Variants in ZNF723 observed in about 807,000 individuals in gnomAD.
ZNF723 encodes the protein zinc finger protein 723.
Under a neutral mutation model 9.4 loss-of-function variants are expected in ZNF723, and 5 were observed. The observed-to-expected ratio is 0.53, with a 90% CI of 0.28 to 1.12. ZNF723 has a LOEUF of 1.12. Among genes scored for constraint, ZNF723 ranks in the 50% most tolerant of loss-of-function variants. ZNF723 has a pLI of 0.10. For missense variants in ZNF723, 450 were observed against 501.5 expected, an observed-to-expected ratio of 0.90 and a Z score of 0.98; for synonymous variants, 158 against 168.8, an observed-to-expected ratio of 0.94 and a Z score of 0.49.
At position 22,857,644 on chromosome 19, in the gene ZNF723, T is replaced by C. The variant is rs12979668; in HGVS notation, c.753T>C (p.His251=). The change falls in exon 4 of 4, where the codon CAT becomes CAC. Residue 251 remains histidine (H), a synonymous_variant. Coordinates refer to ENST00000600766, the MANE Select transcript of ZNF723 (RefSeq NM_001349726.2). ...GCCTTAATAATCATAAGAGAATTCATACTGGAGAGAAACCCTACAAATGTG... is the reference window on the plus strand; with the variant it reads ...GCCTTAATAATCATAAGAGAATTCACACTGGAGAGAAACCCTACAAATGTG... ...SSSLNNHKRI[H]TGEKPYKCEE... The C allele has an allele frequency of 7.1e-6, 9 of 1,269,968 alleles. No homozygotes were observed. The highest frequency in any genetic ancestry group is 3.4e-5 in the Admixed American group (2 of 59,496). The allele number at this position is 1,269,968 out of a possible 1,614,324, so 78.7% of individuals were successfully genotyped here.
intron 1 of ZNF723, among the ~76,000 whole-genome samples, chr19:22,837,868 C>G (rs982197841): frequency 6.6e-6 from 1 of 152,138 alleles, no homozygotes; most frequent in Non-Finnish European, 1.5e-5. Context: ...TCCCTACCCC[C>G]AGACACTGAA....
chr19:22,854,706 T>C (rs764394008), intron 3 of ZNF723, among the ~76,000 whole-genome samples: 2 of 152,152 alleles, frequency 1.3e-5, no homozygotes, highest in African/African-American at 4.8e-5. Flanking sequence ...CTAAAAGATA[T>C]GAGAATATAT....
At chr19:22,853,997 C>T (rs1278334851) in intron 3 of ZNF723, among the ~76,000 whole-genome samples, 2 of 152,090 alleles carry the variant, frequency 1.3e-5, no homozygotes, top group African/African-American at 2.4e-5. Flanking sequence ...TTTATACTCT[C>T]TTCAAATTTT....
chr19:22,858,156 A>G lies in ZNF723; in HGVS notation c.1265A>G (p.Glu422Gly). ...LTTHKIIHTG[E>G]RPYKCKQCGK... is the part of the protein sequence containing the mutation. Reference sequence around the variant, plus strand: ...ACACATAAGATAATTCATACTGGAGAAAGACCTTACAAATGTAAACAATGT... The same window carrying G: ...ACACATAAGATAATTCATACTGGAGGAAGACCTTACAAATGTAAACAATGT... The change falls in exon 4 of 4, where the codon GAA becomes GGA. Residue 422 changes from glutamate (E) to glycine (G), a missense_variant. Physicochemically the swap from Glu to Gly is moderately conservative, Grantham distance 98. This residue lies in a region of ZNF723 where 237 missense variants were observed against 332.2 expected (regional missense o/e 0.71). Coordinates refer to ENST00000600766, the MANE Select transcript of ZNF723 (RefSeq NM_001349726.2). 1 of 1,418,074 alleles carries G rather than the reference A, an allele frequency of 7.1e-7. No homozygotes were observed. Among genetic ancestry groups the G allele is most frequent in the African/African-American group, 1.4e-5 (1 of 71,128 alleles). The allele number at this position is 1,418,074 out of a possible 1,614,324, so 87.8% of individuals were successfully genotyped here.
chr19:22,857,107 A>AT lies in ZNF723; in HGVS notation c.227-4dup. ...TAAGATGAAGTAATTTGTTATTTCTATTTTTTTCAGTTGTGTGTTCTCATT... is the reference window on the plus strand; with the variant it reads ...TAAGATGAAGTAATTTGTTATTTCTATTTTTTTTCAGTTGTGTGTTCTCATT... On this transcript the variant is annotated splice_polypyrimidine_tract_variant and intron_variant, in intron 3 of 3. Transcript: ENST00000600766. 3.4e-6 allele frequency: 3 copies of AT among 874,068 alleles called. No homozygotes were observed. The highest frequency in any genetic ancestry group is 5.2e-6 in the Non-Finnish European group (3 of 573,508). 54.1% of individuals were successfully genotyped at this position (874,068 alleles called of 1,614,324 possible).
Position 22,858,131 on chromosome 19 carries a change from AC to A in ZNF723, c.1241del (p.Thr414AsnfsTer4). On this transcript the variant is annotated frameshift_variant, in exon 4 of 4. Coordinates refer to ENST00000600766, the MANE Select transcript of ZNF723 (RefSeq NM_001349726.2). LOFTEE classifies it low-confidence loss of function (END_TRUNC). ...KAFNQSSALT[T>X]HKIIHTGERP... ...CTTTAACCAATCCTCAGCCCTTACT[AC>A]ACATAAGATAATTCATACTGGAGAA... 6.9e-7 allele frequency: 1 copy of A among 1,441,180 alleles called. No individual in the cohort carries two copies. Among genetic ancestry groups the A allele is most frequent in the Non-Finnish European group, 9.8e-7 (1 of 1,023,960 alleles). The allele number at this position is 1,441,180 out of a possible 1,614,324, so 89.3% of individuals were successfully genotyped here. A position where few individuals can be genotyped will look rare whatever the true frequency, so the allele number is the denominator to read the frequency against.
At chr19:22,828,890 A>T (rs1967064600), upstream of ZNF723, among the ~76,000 whole-genome samples, 1 of 152,076 alleles carries the variant, frequency 6.6e-6, no homozygotes, top group Admixed American at 6.6e-5. Context: ...AATAAATAAT[A>T]GGCCAGACAC....
intron 1 of ZNF723, among the ~76,000 whole-genome samples, 192 bp downstream of exon 1, chr19:22,832,574 T>A (rs1272048815): frequency 1.3e-5 from 2 of 152,132 alleles, no homozygotes; most frequent in African/African-American, 2.4e-5. Context: ...CCGAGCGTCT[T>A]GTCTCTTCCC....
rs1273553907 is a variant in ZNF723, at chr19:22,858,574, C to T, written c.*141C>T. On this transcript the variant is annotated 3_prime_UTR_variant, in exon 4 of 4. Transcript: ENST00000600766. The stretch of plus-strand genomic sequence containing the variant: ...CCTGAGGTCAGGAGTTCGAGACCAA[C>T]CTAACATGGTGAAACAACGTCTCTA... 2 of 509,644 alleles carry T rather than the reference C, an allele frequency of 3.9e-6. No individual in the cohort carries two copies. Among genetic ancestry groups the T allele is most frequent in the Non-Finnish European group, 6.8e-6 (2 of 294,264 alleles). 31.6% of individuals were successfully genotyped at this position (509,644 alleles called of 1,614,324 possible). A position where few individuals can be genotyped will look rare whatever the true frequency, so the allele number is the denominator to read the frequency against.
chr19:22,821,157 T>C, the ZNF723 span, among the ~76,000 whole-genome samples: 1 of 152,120 alleles, frequency 6.6e-6, no homozygotes, highest in Admixed American at 6.6e-5. Context: ...ATAAAGAAGG[T>C]CTTGACTTTC....
intron 3 of ZNF723, among the ~76,000 whole-genome samples, chr19:22,852,241 C>T (rs940216959): frequency 6.6e-6 from 1 of 151,972 alleles, no homozygotes; most frequent in Non-Finnish European, 1.5e-5. Context: ...CTTTACATTG[C>T]ATGTTTAGTG....
At chr19:22,856,074 C>T (rs182351532) in intron 3 of ZNF723, among the ~76,000 whole-genome samples, 35 of 152,246 alleles carry the variant, frequency 2.3e-4, no homozygotes, top group South Asian at 1.9e-3. Context: ...ATTCTCCTGC[C>T]TCAGCCTCCT....
intron 1 of ZNF723, among the ~76,000 whole-genome samples, chr19:22,833,764 A>G (rs1967128249): frequency 6.7e-6 from 1 of 150,182 alleles, no homozygotes; most frequent in Admixed American, 6.7e-5. Context: ...ACGTGCCACC[A>G]CGCCTGGCTA....
chr19:22,830,661 T>C (rs540024506), upstream of ZNF723, among the ~76,000 whole-genome samples: 22 of 152,350 alleles, frequency 1.4e-4, no homozygotes, highest in Non-Finnish European at 1.5e-5. Context: ...ACTTAGTAGG[T>C]GTGGGTCTTT....
intron 3 of ZNF723, among the ~76,000 whole-genome samples, chr19:22,855,964 G>T (rs1967472509): frequency 6.6e-6 from 1 of 151,764 alleles, no homozygotes; most frequent in Non-Finnish European, 1.5e-5. Context: ...TTGTTTGTTT[G>T]TTTTTGTTTT....
At chr19:22,816,421 G>C in the ZNF723 span, among the ~76,000 whole-genome samples, 1 of 152,220 alleles carries the variant, frequency 6.6e-6, no homozygotes, top group Non-Finnish European at 1.5e-5. Context: ...AAGGGACACT[G>C]TCTGCAGGAG....
chr19:22,831,451 G>C (rs935221258), upstream of ZNF723, among the ~76,000 whole-genome samples: 1 of 152,018 alleles, frequency 6.6e-6, no homozygotes, highest in African/African-American at 2.4e-5. Context: ...AAGCTACCCA[G>C]GAGGCTGAGG....
intron 3 of ZNF723, among the ~76,000 whole-genome samples, chr19:22,855,230 C>CTT (rs71163413): frequency 3.8e-4 from 51 of 135,234 alleles, no homozygotes; most frequent in African/African-American, 1.0e-3. Flanking sequence ...TATGTGTTTT[C>CTT]TTTTTTTTTT....
intron 1 of ZNF723, among the ~76,000 whole-genome samples, chr19:22,835,434 G>T (rs1270468161): frequency 6.6e-6 from 1 of 152,104 alleles, no homozygotes; most frequent in Non-Finnish European, 1.5e-5. Flanking sequence ...AGCTTGAAAG[G>T]TTAAAAAGAA....
Sources: gnomAD v4.1 joint callset for allele counts (sites outside exome capture counted in the v4.1 genomes callset) on GRCh38, gnomAD v4.1.1 for gene constraint, gnomAD v4.1.1 regional missense constraint, MANE v1.5 for transcripts, NCBI Gene and HGNC (gene_info 2026-07-23, HGNC 2026-07-21) for gene names.